ATP10A: variants seen among roughly 807,000 people sequenced by gnomAD.
ATP10A encodes the protein ATPase phospholipid transporting 10A (putative), also known as phospholipid-transporting ATPase VA.
In ATP10A, 111 loss-of-function variants were observed where a neutral mutation model predicts 147.8. That is an observed-to-expected ratio of 0.75 (90% CI 0.64 to 0.88). The LOEUF (loss-of-function observed/expected upper bound fraction) is 0.88. ATP10A is among the 40% of genes least tolerant of loss of function. The pLI is 0.00. For missense variants in ATP10A, 1,927 were observed against 1,959.0 expected, an observed-to-expected ratio of 0.98 and a Z score of 0.31; for synonymous variants, 875 against 841.6, an observed-to-expected ratio of 1.04 and a Z score of -0.69.
intron 1 of ATP10A, among the ~76,000 whole-genome samples, chr15:25,795,086 T>C (rs1426874438): frequency 6.6e-6 from 1 of 152,200 alleles, no homozygotes; most frequent in East Asian, 1.9e-4. Context: ...CCTATCTTTA[T>C]TTAGGAAAAA....
At chr15:25,684,841 G>A (rs1899626096) in intron 16 of ATP10A, among the ~76,000 whole-genome samples, 1 of 152,196 alleles carries the variant, frequency 6.6e-6, no homozygotes, top group African/African-American at 2.4e-5. Flanking sequence ...GACTTGTGAA[G>A]ATCATAAGAA....
chr15:25,704,934 C>T (rs1014339017), intron 12 of ATP10A, among the ~76,000 whole-genome samples: 6 of 152,118 alleles, frequency 3.9e-5, no homozygotes, highest in African/African-American at 1.4e-4. Flanking sequence ...TGGTGCCACA[C>T]AGCTTTGAAT....
intron 10 of ATP10A, among the ~76,000 whole-genome samples, chr15:25,713,456 G>A (rs942222275): frequency 2.0e-5 from 3 of 152,220 alleles, no homozygotes; most frequent in Non-Finnish European, 4.4e-5. Context: ...TCTTGGAGGT[G>A]GGGGTGTGCA....
intron 2 of ATP10A, among the ~76,000 whole-genome samples, chr15:25,772,359 A>G (rs912064017): frequency 6.6e-6 from 1 of 152,082 alleles, no homozygotes; most frequent in Non-Finnish European, 1.5e-5. Context: ...TCAGAACCCG[A>G]CTTTGCACCC....
chr15:25,840,387 T>C (rs1453572764), intron 1 of ATP10A, among the ~76,000 whole-genome samples: 1 of 152,180 alleles, frequency 6.6e-6, no homozygotes, highest in African/African-American at 2.4e-5. Flanking sequence ...TGTTGTTCCC[T>C]TCTTTCTGTT....
intron 1 of ATP10A, among the ~76,000 whole-genome samples, chr15:25,784,168 G>A (rs1266953033): frequency 6.6e-6 from 1 of 152,174 alleles, no homozygotes; most frequent in Non-Finnish European, 1.5e-5. Flanking sequence ...CATTTGAAAG[G>A]GCCTGTCCCT....
chr15:25,761,293 G>A (rs1467170561), intron 2 of ATP10A, among the ~76,000 whole-genome samples: 2 of 152,324 alleles, frequency 1.3e-5, no homozygotes, highest in East Asian at 3.9e-4. Context: ...TACTGTATGA[G>A]TCTGTTCTCA....
intron 1 of ATP10A, among the ~76,000 whole-genome samples, chr15:25,824,142 T>C (rs1892007724): frequency 5.8e-5 from 1 of 17,310 alleles, no homozygotes; most frequent in South Asian, 0.011. Flanking sequence ...TTCCTACTAT[T>C]AAAGAGAAAA....
intron 12 of ATP10A, 50 bp downstream of exon 12, chr15:25,707,926 C>G: frequency 6.3e-7 from 1 of 1,599,590 alleles, no homozygotes; most frequent in South Asian, 1.1e-5. Flanking sequence ...CCAGGGCCGT[C>G]CCTGCAAACT....
chr15:25,853,628 C>G (rs147588368), intron 1 of ATP10A, among the ~76,000 whole-genome samples: 5 of 152,026 alleles, frequency 3.3e-5, no homozygotes, highest in Admixed American at 6.6e-5. Context: ...AGTACTCCCC[C>G]CCAGATGAGA....
At chr15:25,784,528 T>C (rs147355042) in intron 1 of ATP10A, among the ~76,000 whole-genome samples, 32 of 152,184 alleles carry the variant, frequency 2.1e-4, no homozygotes, top group African/African-American at 6.5e-4. Context: ...CCTCCACACA[T>C]GGAGAGATGG....
intron 1 of ATP10A, among the ~76,000 whole-genome samples, chr15:25,809,078 A>G (rs895748868): frequency 6.6e-6 from 1 of 152,170 alleles, no homozygotes; most frequent in African/African-American, 2.4e-5. Flanking sequence ...ATGATGCTTA[A>G]GTGAGAATGT....
intron 12 of ATP10A, 98 bp downstream of exon 12, chr15:25,707,878 A>T: frequency 6.6e-7 from 1 of 1,513,522 alleles, no homozygotes; most frequent in Non-Finnish European, 8.9e-7. Context: ...AACCAAGGCC[A>T]GCCTGCGGAG....
chr15:25,862,598 CGCCCT>C (rs1365184952), intron 1 of ATP10A, 45 bp downstream of exon 1: 3 of 1,467,138 alleles, frequency 2.0e-6, no homozygotes, highest in African/African-American at 2.8e-5. Context: ...GTTCCCGGGG[CGCCCT>C]GCCCTGCGCC....
intron 1 of ATP10A, among the ~76,000 whole-genome samples, chr15:25,807,154 C>T (rs982895093): frequency 4.2e-4 from 64 of 152,224 alleles, no homozygotes; most frequent in African/African-American, 1.5e-3. Flanking sequence ...ACTCTTTTCT[C>T]CCCTGGTGGC....
downstream of ATP10A, chr15:25,677,789 T>G (rs1001114368): frequency 2.6e-5 from 4 of 152,218 alleles, no homozygotes; most frequent in African/African-American, 9.7e-5. Context: ...GCTCAGGTGT[T>G]CTAAGGGAAG....
At chr15:25,738,439 C>G (rs1332106132) in intron 2 of ATP10A, 1 of 152,256 alleles carries the variant, frequency 6.6e-6, no homozygotes, top group Non-Finnish European at 1.5e-5. Context: ...TGCCACTGAA[C>G]TGTACACTCA....
intron 2 of ATP10A, among the ~76,000 whole-genome samples, chr15:25,760,996 C>G (rs1888728613): frequency 1.3e-5 from 2 of 152,188 alleles, no homozygotes; most frequent in Middle Eastern, 6.8e-3. Flanking sequence ...TGTATCACAA[C>G]CAAAAATTGT....
At chr15:25,754,237 G>C (rs1223746130) in intron 2 of ATP10A, among the ~76,000 whole-genome samples, 2 of 152,150 alleles carry the variant, frequency 1.3e-5, no homozygotes, top group African/African-American at 4.8e-5. Context: ...GGGTTCAAGA[G>C]ATTCTCCTGC....
Sources: gnomAD v4.1 joint callset for allele counts (sites outside exome capture counted in the v4.1 genomes callset) on GRCh38, gnomAD v4.1.1 for gene constraint, MANE v1.5 for transcripts, NCBI Gene and HGNC (gene_info 2026-07-23, HGNC 2026-07-21) for gene names.